GNL3L: variants seen among roughly 807,000 people sequenced by gnomAD.
GNL3L encodes G protein nucleolar 3 like, also known as guanine nucleotide-binding protein-like 3-like protein.
GNL3L carries 4 observed loss-of-function variants against 42.9 expected under a neutral mutation model. The observed-to-expected ratio is 0.09, with a 90% CI of 0.05 to 0.21. GNL3L has a LOEUF of 0.21. Ranked by LOEUF, GNL3L falls within the 10% of genes least tolerant of loss-of-function variation. The pLI is 1.00. For synonymous variants in GNL3L, 159 were observed against 176.3 expected (o/e 0.90, Z 0.78); for missense variants, 412 against 481.7 (o/e 0.86, Z 1.36).
the GNL3L span, among the ~76,000 whole-genome samples, chrX:54,627,718 T>C: frequency 8.9e-6 from 1 of 112,307 alleles, no homozygotes; most frequent in African/African-American, 3.2e-5. Context: ...TTTTCATTTG[T>C]TTCAAGATAT....
At chrX:54,550,803 G>A (rs1316384873) in intron 9 of GNL3L, among the ~76,000 whole-genome samples, 160 bp from the exon 10 acceptor site, 2 of 111,355 alleles carry the variant, frequency 1.8e-5, no homozygotes, top group Non-Finnish European at 3.8e-5. Context: ...CCCTGTAGGG[G>A]CTTTGTCAGG....
chrX:54,618,238 A>G lies in GNL3L; in HGVS notation c.*46-2607A>G, dbSNP rs772340148. On this transcript the variant is annotated intron_variant, in intron 16 of 16. Transcript: ENST00000674498. Reference sequence around the variant, plus strand: ...TATCTGCCCCGGCAGTCTTGCAAGTATCTGAAACTCAACATATATTAAACT... The same window carrying G: ...TATCTGCCCCGGCAGTCTTGCAAGTGTCTGAAACTCAACATATATTAAACT... Among the ~76,000 whole-genome samples the G allele has an allele frequency of 1.2e-4, 13 of 110,798 alleles. No individual in the cohort carries two copies. The South Asian group carries it at 3.9e-3, about 33-fold the overall frequency.
At chrX:54,573,042 G>T (rs1925579694) in intron 16 of GNL3L, among the ~76,000 whole-genome samples, 1 of 109,597 alleles carries the variant, frequency 9.1e-6, no homozygotes, top group Non-Finnish European at 1.9e-5. Flanking sequence ...GCCGGGCAGA[G>T]ACGCTCCTCA....
intron 16 of GNL3L, among the ~76,000 whole-genome samples, chrX:54,572,708 A>C (rs1291707545): frequency 3.7e-5 from 4 of 108,744 alleles, no homozygotes; most frequent in Non-Finnish European, 7.7e-5. Context: ...TCCCTCCCGG[A>C]CAGGGTAGCT....
At position 54,597,042 on chromosome X, in the gene GNL3L, G is replaced by A. The variant is rs5961092; in HGVS notation, c.*46-23803G>A. Among the ~76,000 whole-genome samples, 540 of 111,067 alleles carry A rather than the reference G, an allele frequency of 4.9e-3. 1 individual carries two copies. Among genetic ancestry groups the A allele is most frequent in the African/African-American group, 0.016 (497 of 30,544 alleles). On this transcript the variant is annotated intron_variant, in intron 16 of 16. Transcript: ENST00000674498. ...CCTGCTTGGTACTCTGCCTCCCTGC[G>A]GTGGAGCTGGTATCTAAGGTGCAAG... is the stretch of plus-strand genomic sequence containing the variant.
intron 16 of GNL3L, among the ~76,000 whole-genome samples, chrX:54,578,742 T>G: frequency 8.9e-6 from 1 of 112,567 alleles, no homozygotes; most frequent in East Asian, 2.8e-4. Flanking sequence ...TGCAAGCACA[T>G]TTTTGTGTTA....
At chrX:54,625,966 A>G (rs1926357093), downstream of GNL3L, among the ~76,000 whole-genome samples, 1 of 111,693 alleles carries the variant, frequency 9.0e-6, no homozygotes, top group Non-Finnish European at 1.9e-5. Flanking sequence ...TGATACATGT[A>G]TACAATGTAT....
chrX:54,562,649 C>G lies in GNL3L; in HGVS notation c.*2047C>G, dbSNP rs899222542. 3.6e-5 allele frequency among the ~76,000 whole-genome samples: 4 copies of G among 110,913 alleles called. No homozygotes were observed. The highest frequency in any genetic ancestry group is 1.3e-4 in the African/African-American group (4 of 30,480). ...AAAAAAGTAATCTCAGAATGTTGGC[C>G]GAGCATGGTGGCTCACACCTGTAAT... On this transcript the variant is annotated 3_prime_UTR_variant, in exon 16 of 16. Transcript: ENST00000360845.
intron 16 of GNL3L, among the ~76,000 whole-genome samples, chrX:54,593,558 T>A (rs967235685): frequency 1.8e-5 from 2 of 110,843 alleles, no homozygotes; most frequent in African/African-American, 3.3e-5. Flanking sequence ...CTCCCAACTT[T>A]TTGTTTCATT....
At chrX:54,637,772 G>A in the GNL3L span, among the ~76,000 whole-genome samples, 1 of 111,573 alleles carries the variant, frequency 9.0e-6, no homozygotes, top group Non-Finnish European at 1.9e-5. Context: ...GATATTCTGT[G>A]GTATTATGGT....
intron 2 of GNL3L, among the ~76,000 whole-genome samples, chrX:54,538,092 G>A (rs1278606641): frequency 2.7e-5 from 3 of 110,989 alleles, no homozygotes; most frequent in African/African-American, 9.8e-5. Context: ...ACGGGAGGCT[G>A]AGGCAGGAGA....
At chrX:54,606,980 T>C (rs1569542560) in intron 16 of GNL3L, among the ~76,000 whole-genome samples, 2 of 84,203 alleles carry the variant, frequency 2.4e-5, no homozygotes, top group Non-Finnish European at 4.1e-5. Context: ...GATTTTTCTT[T>C]CTTTCCTTTC....
At chrX:54,629,413 C>T in the GNL3L span, among the ~76,000 whole-genome samples, 1 of 111,433 alleles carries the variant, frequency 9.0e-6, no homozygotes, top group Non-Finnish European at 1.9e-5. Context: ...TCATAGATGA[C>T]TTTTATTACA....
chrX:54,534,735 T>C (rs1924369692), intron 2 of GNL3L, among the ~76,000 whole-genome samples: 1 of 111,774 alleles, frequency 8.9e-6, no homozygotes, highest in African/African-American at 3.2e-5. Context: ...TTGAAAAACC[T>C]ATGAGCAGAG....
At chrX:54,556,685 C>T (rs1252076789) in intron 14 of GNL3L, among the ~76,000 whole-genome samples, 1 of 110,996 alleles carries the variant, frequency 9.0e-6, no homozygotes, top group Non-Finnish European at 1.9e-5. Flanking sequence ...CAGCCAGAGA[C>T]AGACACTGTT....
rs765543521 is a variant in GNL3L at position 54,557,883 on chromosome X, G to A, written c.1447-553G>A. Among the ~76,000 whole-genome samples, 382 of 109,746 alleles carry A rather than the reference G, an allele frequency of 3.5e-3. 3 individuals carry two copies. Among genetic ancestry groups the A allele is most frequent in the African/African-American group, 0.012 (354 of 30,110 alleles). ...AGACCTAATCCTAGTGAACCACTGCGCCTGCCAGAAAATTTTTTTTTTTGA... is the reference window on the plus strand; with the variant it reads ...AGACCTAATCCTAGTGAACCACTGCACCTGCCAGAAAATTTTTTTTTTTGA... On this transcript the variant is annotated intron_variant, in intron 14 of 15. Transcript: ENST00000360845.
At chrX:54,548,814 C>A (rs1023896947) in intron 9 of GNL3L, among the ~76,000 whole-genome samples, 1 of 110,992 alleles carries the variant, frequency 9.0e-6, no homozygotes, top group African/African-American at 3.3e-5. Flanking sequence ...AGAGATAGAT[C>A]ACCAGAGAAA....
At chrX:54,623,318 G>T (rs1450557573), downstream of GNL3L, among the ~76,000 whole-genome samples, 1 of 111,999 alleles carries the variant, frequency 8.9e-6, no homozygotes, top group Admixed American at 9.4e-5. Context: ...AGGCTAGAGT[G>T]CAGTGGCATG....
chrX:54,551,695 C>A lies in GNL3L; in HGVS notation c.991C>A (p.Pro331Thr). Residue 331 changes from proline (P) to threonine (T), a missense_variant, in exon 11 of 16, where the codon CCT becomes ACT. Coordinates refer to ENST00000360845, the MANE Select transcript of GNL3L (RefSeq NM_001184819.2). ...NCVHVQKLAD[P>T]VTPVETILQR... Reference sequence around the variant, plus strand: ...CGTCCACGTGCAGAAGCTGGCAGACCCTGTGACCCCAGTGGAGACCATCCT... The same window carrying A: ...CGTCCACGTGCAGAAGCTGGCAGACACTGTGACCCCAGTGGAGACCATCCT... 8.3e-7 allele frequency: 1 copy of A among 1,211,483 alleles called. No individual in the cohort carries two copies. Among genetic ancestry groups the A allele is most frequent in the Non-Finnish European group, 1.1e-6 (1 of 895,283 alleles).
Sources: gnomAD v4.1 joint callset for allele counts (sites outside exome capture counted in the v4.1 genomes callset) on GRCh38, gnomAD v4.1.1 for gene constraint, MANE v1.5 for transcripts, NCBI Gene and HGNC (gene_info 2026-07-23, HGNC 2026-07-21) for gene names.